ZNF620: variants seen among roughly 807,000 people sequenced by gnomAD.
The protein encoded by ZNF620 is zinc finger protein 620.
A neutral mutation model predicts 13.3 loss-of-function variants in ZNF620; 10 were observed. That is an observed-to-expected ratio of 0.75 (90% confidence interval 0.46 to 1.28). The LOEUF (loss-of-function observed/expected upper bound fraction) is 1.28. ZNF620 is among the 50% of genes most tolerant of loss of function. The pLI, the probability that ZNF620 is intolerant of heterozygous loss-of-function variation, is 0.00. For missense variants in ZNF620, 461 were observed against 500.2 expected, an observed-to-expected ratio of 0.92 and a Z score of 0.75; for synonymous variants, 166 against 177.6, an observed-to-expected ratio of 0.93 and a Z score of 0.52.
chr3:40,514,948 T>C (rs1698326011), intron 4 of ZNF620, among the ~76,000 whole-genome samples: 2 of 152,196 alleles, frequency 1.3e-5, no homozygotes, highest in African/African-American at 2.4e-5. Flanking sequence ...GGACCCTACG[T>C]CATCTGAGTA....
Position 40,516,461 on chromosome 3 carries a change from C to G in ZNF620, c.867C>G (p.Phe289Leu), listed in dbSNP as rs777100082. ...AATGTAAGGAGTGCGGCAAGGCCTT[C>G]AGTAGCAGCTCTGTCTTCCTCCAGC... ...PYECKECGKA[F>L]SSSSVFLQHQ... The change falls in exon 5 of 5, where the codon TTC (phenylalanine) becomes TTG (leucine). Residue 289 changes from phenylalanine (F) to leucine (L), a missense_variant. Transcript: ENST00000314529. The G allele has an allele frequency of 6.2e-7, 1 of 1,614,058 alleles. No individual in the cohort carries two copies. The highest frequency in any genetic ancestry group is 8.5e-7 in the Non-Finnish European group (1 of 1,179,888).
chr3:40,517,768 A>G lies in ZNF620; in HGVS notation c.*905A>G, dbSNP rs964802574. On this transcript the variant is annotated 3_prime_UTR_variant, in exon 5 of 5. Transcript: ENST00000314529. ...ATATGTGCAACACTACACAAGGAGTAAACCAGTAAATAAAAAGACAGATAT... is the reference window on the plus strand; with the variant it reads ...ATATGTGCAACACTACACAAGGAGTGAACCAGTAAATAAAAAGACAGATAT... The G allele has an allele frequency of 3.3e-5, 5 of 152,228 alleles. No homozygotes were observed. The highest frequency in any genetic ancestry group is 1.2e-4 in the African/African-American group (5 of 41,450). 9.4% of individuals were successfully genotyped at this position (152,228 alleles called of 1,614,324 possible).
intron 2 of ZNF620, among the ~76,000 whole-genome samples, chr3:40,511,024 G>A (rs1308376436): frequency 2.0e-5 from 3 of 152,172 alleles, no homozygotes; most frequent in Admixed American, 6.5e-5. Flanking sequence ...GATTACAGGC[G>A]TGAGCCACTG....
Position 40,512,522 on chromosome 3 carries a change from A to G in ZNF620, c.265+7A>G, listed in dbSNP as rs773103439. On this transcript the variant is annotated splice_region_variant and intron_variant, in intron 4 of 4. Coordinates refer to ENST00000314529, the MANE Select transcript of ZNF620 (RefSeq NM_175888.4). ...CTCAGAGGTATCTGTCCAGGTGAGCATGAGAACCCACTAGCTGCCTTTTTG... is the reference window on the plus strand; with the variant it reads ...CTCAGAGGTATCTGTCCAGGTGAGCGTGAGAACCCACTAGCTGCCTTTTTG... 61 of 1,581,874 alleles carry G rather than the reference A, an allele frequency of 3.9e-5. No individual in the cohort carries two copies. Among genetic ancestry groups the G allele is most frequent in the Admixed American group, 7.7e-5 (4 of 52,266 alleles).
chr3:40,514,867 G>T (rs918243395), intron 4 of ZNF620, among the ~76,000 whole-genome samples: 2 of 152,172 alleles, frequency 1.3e-5, no homozygotes, highest in African/African-American at 4.8e-5. Flanking sequence ...GTGCTCTTCT[G>T]CAGAGAATGC....
chr3:40,512,123 C>T (rs967341432), intron 3 of ZNF620, among the ~76,000 whole-genome samples: 2 of 152,184 alleles, frequency 1.3e-5, no homozygotes, highest in African/African-American at 4.8e-5. Flanking sequence ...GTACCCAAAA[C>T]ATGGGGGGGA....
chr3:40,506,393 T>TGCCCCC lies in ZNF620; in HGVS notation c.24+17_24+18insGCCCCC. 4 of 1,555,960 alleles carry TGCCCCC rather than the reference T, an allele frequency of 2.6e-6. No individual in the cohort carries two copies. Among genetic ancestry groups the TGCCCCC allele is most frequent in the Non-Finnish European group, 3.5e-6 (4 of 1,132,262 alleles). On this transcript the variant is annotated intron_variant, in intron 2 of 4. Coordinates refer to ENST00000314529, the MANE Select transcript of ZNF620 (RefSeq NM_175888.4). ...TGGCGCCAGGTGAGTGAGCATCCTCTCCCTCCCTCCCACCCTTTAGATGTC... is the reference window on the plus strand; with the variant it reads ...TGGCGCCAGGTGAGTGAGCATCCTCTGCCCCCCCCTCCCTCCCACCCTTTAGATGTC...
chr3:40,507,274 T>G (rs1425180855), intron 2 of ZNF620, among the ~76,000 whole-genome samples: 1 of 152,086 alleles, frequency 6.6e-6, no homozygotes, highest in Non-Finnish European at 1.5e-5. Context: ...GTATTTTTAG[T>G]AGAGACCAGG....
rs1698418294 is a variant in ZNF620 at position 40,517,209 on chromosome 3, G to A, written c.*346G>A. 1 of 168,846 alleles carries A rather than the reference G, an allele frequency of 5.9e-6. No homozygotes were observed. The highest frequency in any genetic ancestry group is 2.4e-5 in the African/African-American group (1 of 41,970). 10.5% of individuals were successfully genotyped at this position (168,846 alleles called of 1,614,324 possible). On this transcript the variant is annotated 3_prime_UTR_variant, in exon 5 of 5. Transcript: ENST00000314529. ...TAAGAGGATCATGGAGAAAAAATGA[G>A]ACCCTAAAAAGTTTCTAGAGAGAGA...
At chr3:40,506,983 C>T (rs1698042352) in intron 2 of ZNF620, among the ~76,000 whole-genome samples, 1 of 151,152 alleles carries the variant, frequency 6.6e-6, no homozygotes, top group Non-Finnish European at 1.5e-5. Flanking sequence ...TGTAAATGTC[C>T]TTTATCAGGC....
intron 3 of ZNF620, among the ~76,000 whole-genome samples, chr3:40,511,874 G>A (rs1242935531): frequency 6.6e-6 from 1 of 151,932 alleles, no homozygotes; most frequent in Non-Finnish European, 1.5e-5. Flanking sequence ...TAGAGATGGG[G>A]TTTCTCCATG....
At chr3:40,506,974 G>A (rs1698042041) in intron 2 of ZNF620, among the ~76,000 whole-genome samples, 1 of 151,170 alleles carries the variant, frequency 6.6e-6, no homozygotes, top group Non-Finnish European at 1.5e-5. Context: ...GTTTTGTTTT[G>A]TAAATGTCCT....
intron 4 of ZNF620, 110 bp from the exon 5 acceptor site, chr3:40,515,750 C>G (rs1698350810): frequency 3.6e-6 from 5 of 1,380,884 alleles, no homozygotes; most frequent in Non-Finnish European, 3.9e-6. Flanking sequence ...ATTAGAACCA[C>G]TTGATTCTGT....
At chr3:40,511,641 C>G in intron 3 of ZNF620, 45 bp downstream of exon 3, 1 of 1,591,326 alleles carries the variant, frequency 6.3e-7, no homozygotes, top group East Asian at 2.2e-5. Flanking sequence ...TTTAAGCATC[C>G]TGGCTTCTTT....
chr3:40,506,046 C>A lies in ZNF620; in HGVS notation c.-142C>A, dbSNP rs1334786652. On this transcript the variant is annotated 5_prime_UTR_variant, in exon 1 of 5. Coordinates refer to ENST00000314529, the MANE Select transcript of ZNF620 (RefSeq NM_175888.4). ...CTTCCGGCGGAGGGTCTCAAGCTTT[C>A]CCCGGTGTCGGCGGCAGGTGGAATT... is the stretch of plus-strand genomic sequence containing the variant. 4.1e-6 allele frequency: 2 copies of A among 491,138 alleles called. No individual in the cohort carries two copies. Among genetic ancestry groups the A allele is most frequent in the African/African-American group, 3.9e-5 (2 of 51,090 alleles). The allele number at this position is 491,138 out of a possible 1,614,324, so 30.4% of individuals were successfully genotyped here.
chr3:40,506,161 G>A, intron 1 of ZNF620, 23 bp downstream of exon 1: 1 of 696,442 alleles, frequency 1.4e-6, no homozygotes, highest in Non-Finnish European at 2.5e-6. Context: ...TTTTCCTGGG[G>A]CTTGTTCTGC....
chr3:40,515,998 A>G lies in ZNF620; in HGVS notation c.404A>G (p.Gln135Arg). ...QHLDFGSSLE[Q>R]PQGHWIIKTK... is the part of the protein sequence containing the mutation. ...CTTGACTTTGGGAGCAGCCTAGAGC[A>G]GCCACAAGGTCATTGGATAATTAAG... The change falls in exon 5 of 5, where the codon CAG (glutamine) becomes CGG (arginine). Residue 135 changes from glutamine to arginine, a missense_variant. Coordinates refer to ENST00000314529, the MANE Select transcript of ZNF620 (RefSeq NM_175888.4). 1 of 1,614,210 alleles carries G rather than the reference A, an allele frequency of 6.2e-7. No individual in the cohort carries two copies. Among genetic ancestry groups the G allele is most frequent in the Non-Finnish European group, 8.5e-7 (1 of 1,180,036 alleles).
At chr3:40,512,287 C>G (rs1698224662) in intron 3 of ZNF620, 115 bp from the exon 4 acceptor site, 7 of 858,632 alleles carry the variant, frequency 8.2e-6, no homozygotes, top group Non-Finnish European at 1.3e-5. Flanking sequence ...TAAGTTTCTC[C>G]CTGACTCACC....
intron 2 of ZNF620, among the ~76,000 whole-genome samples, chr3:40,509,103 GTT>G (rs1465341066): frequency 2.0e-5 from 3 of 152,168 alleles, no homozygotes; most frequent in Non-Finnish European, 4.4e-5. Context: ...CTTTTGGGAT[GTT>G]TAGATTATTT....
Sources: gnomAD v4.1 joint callset for allele counts (sites outside exome capture counted in the v4.1 genomes callset) on GRCh38, gnomAD v4.1.1 for gene constraint, MANE v1.5 for transcripts, NCBI Gene and HGNC (gene_info 2026-07-23, HGNC 2026-07-21) for gene names.